The following JAKMIP1 variants were observed in gnomAD, a reference collection of about 807,000 sequenced individuals.
The protein encoded by JAKMIP1 is janus kinase and microtubule interacting protein 1.
Under a neutral mutation model 113.0 loss-of-function variants are expected in JAKMIP1, and 33 were observed. That is an observed-to-expected ratio of 0.29 (90% CI 0.22 to 0.39). The LOEUF (loss-of-function observed/expected upper bound fraction) is 0.39, where lower values mean the gene tolerates loss of function less well. JAKMIP1 is among the 10% of genes least tolerant of loss of function. The pLI is 1.00. For synonymous variants in JAKMIP1, 480 were observed against 459.9 expected, an observed-to-expected ratio of 1.04 and a Z score of -0.56; for missense variants, 813 against 1,080.5, an observed-to-expected ratio of 0.75 and a Z score of 3.47.
In JAKMIP1 at chr4:6,179,666, G is replaced by C. The variant is rs1725796615; in HGVS notation, c.-148+20587C>G. 6.6e-6 allele frequency among the ~76,000 whole-genome samples: 1 copy of C among 152,164 alleles called. No homozygotes were observed. Among genetic ancestry groups the C allele is most frequent in the Non-Finnish European group, 1.5e-5 (1 of 68,030 alleles). On this transcript the variant is annotated intron_variant, in intron 1 of 20. Transcript: ENST00000409021. This position sits in a 1 kb window ranked among gnomAD's most constrained non-coding sequence, Gnocchi z 4.5. ...TGAGTCAGGCTGCATGGGTCTCTTG[G>C]GGTATCACTCCTGCCCCCAGACCAA...
intron 1 of JAKMIP1, among the ~76,000 whole-genome samples, chr4:6,126,401 CACAA>C (rs1560233185): frequency 6.9e-6 from 1 of 145,422 alleles, no homozygotes; most frequent in Non-Finnish European, 1.5e-5. Flanking sequence ...GAAACACACA[CACAA>C]ACATACACCG....
chr4:6,192,094 A>C lies in JAKMIP1; in HGVS notation c.-148+8159T>G, dbSNP rs1167818091. On this transcript the variant is annotated intron_variant, in intron 1 of 20. Transcript: ENST00000409021. The surrounding 1 kb of genome is among the most constrained non-coding windows in gnomAD (Gnocchi z 5.0). ...ATTACAGGCGTGTGCCACCATGCCC[A>C]GCTAATTTTTGTATTTTCAGTAGAG... Among the ~76,000 whole-genome samples the C allele has an allele frequency of 2.0e-5, 3 of 151,676 alleles. No homozygotes were observed. Among genetic ancestry groups the C allele is most frequent in the African/African-American group, 4.8e-5 (2 of 41,250 alleles).
rs1166943051 is a variant in JAKMIP1, at chr4:6,129,628, G to A, written c.-147-16631C>T. On this transcript the variant is annotated intron_variant, in intron 1 of 20. Transcript: ENST00000409021. The surrounding 1 kb of genome is among the most constrained non-coding windows in gnomAD (Gnocchi z 5.4). ...GGCCATTCCTGCTGAAAGTTCCTTTGTCCAGACCCCCACTCAGCTGCCGTT... is the reference window on the plus strand; with the variant it reads ...GGCCATTCCTGCTGAAAGTTCCTTTATCCAGACCCCCACTCAGCTGCCGTT... 6.6e-6 allele frequency among the ~76,000 whole-genome samples: 1 copy of A among 151,872 alleles called. No homozygotes were observed. Among genetic ancestry groups the A allele is most frequent in the Non-Finnish European group, 1.5e-5 (1 of 67,980 alleles).
rs1578219927 is a variant in JAKMIP1 at position 6,097,002 on chromosome 4, G to T, written c.624+8471C>A. On this transcript the variant is annotated intron_variant, in intron 3 of 20. Transcript: ENST00000409021. The surrounding 1 kb of genome is among the most constrained non-coding windows in gnomAD (Gnocchi z 4.3). ...TGGCATCACCATCATTCCTGACAAT[G>T]AATGTATTTATTTATTCAAGACAGA... Among the ~76,000 whole-genome samples, 1 of 152,162 alleles carries T rather than the reference G, an allele frequency of 6.6e-6. No individual in the cohort carries two copies. Among genetic ancestry groups the T allele is most frequent in the African/African-American group, 2.4e-5 (1 of 41,436 alleles).
At position 6,106,025 on chromosome 4, in the gene JAKMIP1, T is replaced by G; in HGVS notation, c.130-58A>C. On this transcript the variant is annotated intron_variant, in intron 2 of 20. Coordinates refer to ENST00000409021, the MANE Select transcript of JAKMIP1 (RefSeq NM_001099433.2). The surrounding 1 kb of genome is among the most constrained non-coding windows in gnomAD (Gnocchi z 5.9). ...GTCAGGGTCAGGGTCAGGGTCAGGG[T>G]CAGGGTCACAGCTGGGGGAGCTGGC... The G allele has an allele frequency of 3.2e-6, 4 of 1,244,730 alleles. No homozygotes were observed. The highest frequency in any genetic ancestry group is 4.5e-6 in the Non-Finnish European group (4 of 898,298). 77.1% of individuals were successfully genotyped at this position (1,244,730 alleles called of 1,614,324 possible). A position where few individuals can be genotyped will look rare whatever the true frequency, so the allele number is the denominator to read the frequency against.
At chr4:6,072,127 A>T (rs577944885) in intron 8 of JAKMIP1, among the ~76,000 whole-genome samples, 208 of 152,340 alleles carry the variant, frequency 1.4e-3, no homozygotes, top group African/African-American at 4.9e-3. Flanking sequence ...TTTACTGAGC[A>T]CAAGACAATT....
rs1321946416 is a variant in JAKMIP1 at position 6,138,100 on chromosome 4, T to C, written c.-147-25103A>G. On this transcript the variant is annotated intron_variant, in intron 1 of 20. Transcript: ENST00000409021. The surrounding 1 kb of genome is among the most constrained non-coding windows in gnomAD (Gnocchi z 6.0). ...AGCCTAAGCCCAGACAAGACTCTGC[T>C]CCCTGACCTTCCACTACTGGCACCT... Among the ~76,000 whole-genome samples, 1 of 152,112 alleles carries C rather than the reference T, an allele frequency of 6.6e-6. No homozygotes were observed. The highest frequency in any genetic ancestry group is 2.4e-5 in the African/African-American group (1 of 41,432).
intron 7 of JAKMIP1, 59 bp from the exon 8 acceptor site, chr4:6,079,057 C>T: frequency 6.3e-7 from 1 of 1,591,500 alleles, no homozygotes; most frequent in South Asian, 1.1e-5. Context: ...CAAACCAAAG[C>T]CACTGGCTCT....
At position 6,178,372 on chromosome 4, in the gene JAKMIP1, T is replaced by C. The variant is rs1034247645; in HGVS notation, c.-148+21881A>G. On this transcript the variant is annotated intron_variant, in intron 1 of 20. Coordinates refer to ENST00000409021, the MANE Select transcript of JAKMIP1 (RefSeq NM_001099433.2). This position sits in a 1 kb window ranked among gnomAD's most constrained non-coding sequence, Gnocchi z 5.5. ...GTGGGAGGGACCTCTCGGGAGGTAA[T>C]TGAATCATGGGGGCAGTTTACCCCA... Among the ~76,000 whole-genome samples, 100 of 152,318 alleles carry C rather than the reference T, an allele frequency of 6.6e-4. No homozygotes were observed. Among genetic ancestry groups the C allele is most frequent in the African/African-American group, 2.4e-3 (99 of 41,568 alleles).
At chr4:6,164,333 G>A (rs1723326837) in intron 1 of JAKMIP1, among the ~76,000 whole-genome samples, 1 of 152,152 alleles carries the variant, frequency 6.6e-6, no homozygotes, top group Non-Finnish European at 1.5e-5. Flanking sequence ...ACATCTGTCT[G>A]TAGCATGGTT....
At chr4:6,170,633 C>CCAACCACCGTTAACATCAACACCAT (rs1553860870) in intron 1 of JAKMIP1, among the ~76,000 whole-genome samples, 2 of 149,248 alleles carry the variant, frequency 1.3e-5, no homozygotes, top group African/African-American at 5.0e-5. Flanking sequence ...AACATCAACA[C>CCAACCACCGTTAACATCAACACCAT]CATCACCTCT....
At chr4:6,034,374 T>G (rs1298844755) in intron 19 of JAKMIP1, among the ~76,000 whole-genome samples, 1 of 152,140 alleles carries the variant, frequency 6.6e-6, no homozygotes, top group Non-Finnish European at 1.5e-5. Context: ...TGTCTGTGTT[T>G]TCAGCTTCTT....
Position 6,137,086 on chromosome 4 carries a change from C to T in JAKMIP1, c.-147-24089G>A, listed in dbSNP as rs778514075. On this transcript the variant is annotated intron_variant, in intron 1 of 20. Transcript: ENST00000409021. This position sits in a 1 kb window ranked among gnomAD's most constrained non-coding sequence, Gnocchi z 4.5. The stretch of plus-strand genomic sequence containing the variant: ...GGTGTCCCCTCCGATGTGCCCCCAC[C>T]GAGGGAATAATCACTCTTCCTCCTC... Among the ~76,000 whole-genome samples the T allele has an allele frequency of 9.2e-5, 14 of 152,148 alleles. No individual in the cohort carries two copies. The highest frequency in any genetic ancestry group is 2.1e-4 in the Non-Finnish European group (14 of 68,028).
At position 6,180,474 on chromosome 4, in the gene JAKMIP1, G is replaced by C. The variant is rs1171288185; in HGVS notation, c.-148+19779C>G. 6.6e-6 allele frequency among the ~76,000 whole-genome samples: 1 copy of C among 152,182 alleles called. No individual in the cohort carries two copies. The highest frequency in any genetic ancestry group is 1.5e-5 in the Non-Finnish European group (1 of 68,028). On this transcript the variant is annotated intron_variant, in intron 1 of 20. Coordinates refer to ENST00000409021, the MANE Select transcript of JAKMIP1 (RefSeq NM_001099433.2). This position sits in a 1 kb window ranked among gnomAD's most constrained non-coding sequence, Gnocchi z 4.5. ...ATGGGGACCGATACCTGTGCTACAA[G>C]AAGAATTAAGCACCATAACAACACA... is the stretch of plus-strand genomic sequence containing the variant.
rs1468405601 is a variant in JAKMIP1, at chr4:6,064,770, G to C, written c.1431+110C>G. 3 of 1,398,892 alleles carry C rather than the reference G, an allele frequency of 2.1e-6. No homozygotes were observed. The highest frequency in any genetic ancestry group is 3.0e-6 in the Non-Finnish European group (3 of 1,010,286). 86.7% of individuals were successfully genotyped at this position (1,398,892 alleles called of 1,614,324 possible). On this transcript the variant is annotated intron_variant, in intron 9 of 20. Transcript: ENST00000409021. The surrounding 1 kb of genome is among the most constrained non-coding windows in gnomAD (Gnocchi z 4.3). ...ATGCACTGGTAGGAACTGGTCATCTGGGGTTCAGAACTATAGGCAAGGGAG... is the reference window on the plus strand; with the variant it reads ...ATGCACTGGTAGGAACTGGTCATCTCGGGTTCAGAACTATAGGCAAGGGAG...
chr4:6,104,960 G>A (rs925189520), intron 3 of JAKMIP1, among the ~76,000 whole-genome samples: 2 of 152,206 alleles, frequency 1.3e-5, no homozygotes, highest in East Asian at 1.9e-4. Flanking sequence ...TGCCCCAAGG[G>A]AAGAAAGCAG....
chr4:6,055,908 T>C lies in JAKMIP1; in HGVS notation c.1707+789A>G, dbSNP rs1049826887. Among the ~76,000 whole-genome samples, 6 of 141,622 alleles carry C rather than the reference T, an allele frequency of 4.2e-5. 1 individual carries two copies. The highest frequency in any genetic ancestry group is 1.4e-4 in the Admixed American group (2 of 14,452). The allele number at this position is 141,622 out of a possible 152,430, so 92.9% of individuals were successfully genotyped here. On this transcript the variant is annotated intron_variant, in intron 12 of 20. Coordinates refer to ENST00000409021, the MANE Select transcript of JAKMIP1 (RefSeq NM_001099433.2). Reference sequence around the variant, plus strand: ...GTGTCCCCAGAGGACAGGGCTGCCCTCCCCATTTCTGCAGAGTGTCCCCAG... The same window carrying C: ...GTGTCCCCAGAGGACAGGGCTGCCCCCCCCATTTCTGCAGAGTGTCCCCAG...
chr4:6,132,817 G>C lies in JAKMIP1; in HGVS notation c.-147-19820C>G, dbSNP rs150793921. Among the ~76,000 whole-genome samples, 20 of 152,182 alleles carry C rather than the reference G, an allele frequency of 1.3e-4. 1 individual carries two copies. The East Asian group carries it at 3.9e-3, about 29-fold the overall frequency. The stretch of plus-strand genomic sequence containing the variant: ...TACACCAATAAAAGAGACTGTTGGG[G>C]TGGATCAAAAAACAAGGCACAACTT... On this transcript the variant is annotated intron_variant, in intron 1 of 20. Coordinates refer to ENST00000409021, the MANE Select transcript of JAKMIP1 (RefSeq NM_001099433.2).
Position 6,099,096 on chromosome 4 carries a change from C to T in JAKMIP1, c.624+6377G>A, listed in dbSNP as rs1712573516. On this transcript the variant is annotated intron_variant, in intron 3 of 20. Transcript: ENST00000409021. ...ATTGCTACATTTATTGCTCACAGAG[C>T]ATGTTTTCTATCCTTTTCCTTCAGG... Among the ~76,000 whole-genome samples the T allele has an allele frequency of 3.9e-5, 6 of 152,176 alleles. No individual in the cohort carries two copies. In the South Asian group the frequency reaches 1.2e-3, roughly 32 times the overall value.
Sources: allele counts gnomAD v4.1 joint callset (sites outside exome capture counted in the v4.1 genomes callset), GRCh38; gene constraint gnomAD v4.1.1; non-coding constraint Gnocchi (gnomAD v3.1); transcripts MANE v1.5; gene names NCBI Gene and HGNC (gene_info 2026-07-23, HGNC 2026-07-21).